Variants in ME1 observed in about 807,000 individuals in gnomAD.
ME1 encodes NADP-dependent malic enzyme.
A neutral mutation model predicts 66.4 loss-of-function variants in ME1; 74 were observed. That is an observed-to-expected ratio of 1.11 (90% CI 0.92 to 1.35). The LOEUF is 1.35. Among genes scored for constraint, ME1 ranks in the 40% most tolerant of loss-of-function variants. ME1 has a pLI of 0.00. For synonymous variants in ME1, 251 were observed against 235.6 expected (o/e 1.07, Z -0.60); for missense variants, 750 against 694.1 (o/e 1.08, Z -0.90).
At chr6:83,236,337 G>A (rs1196075303) in intron 9 of ME1, among the ~76,000 whole-genome samples, 2 of 152,026 alleles carry the variant, frequency 1.3e-5, no homozygotes, top group African/African-American at 4.8e-5. Context: ...TTCTTTGAAT[G>A]GAAACTAGTG....
At chr6:83,384,814 A>C (rs186419223) in intron 3 of ME1, among the ~76,000 whole-genome samples, 6 of 151,966 alleles carry the variant, frequency 3.9e-5, no homozygotes, top group Non-Finnish European at 5.9e-5. Context: ...TTGTGAAAGG[A>C]AGGGATTCTG....
At chr6:83,358,064 T>A (rs1768933436) in intron 3 of ME1, among the ~76,000 whole-genome samples, 1 of 149,578 alleles carries the variant, frequency 6.7e-6, no homozygotes, top group Non-Finnish European at 1.5e-5. Flanking sequence ...GATTTTGGTA[T>A]AAGGAGTGGT....
chr6:83,227,532 A>ATTGATT lies in ME1; in HGVS notation c.1133-56_1133-55insAATCAA. 7.1e-6 allele frequency: 10 copies of ATTGATT among 1,414,596 alleles called. No homozygotes were observed. The East Asian group carries it at 2.2e-4, about 30-fold the overall frequency. 87.6% of individuals were successfully genotyped at this position (1,414,596 alleles called of 1,614,324 possible). A position where few individuals can be genotyped will look rare whatever the true frequency, so the allele number is the denominator to read the frequency against. On this transcript the variant is annotated intron_variant, in intron 10 of 13. Coordinates refer to ENST00000369705, the MANE Select transcript of ME1 (RefSeq NM_002395.6). The stretch of plus-strand genomic sequence containing the variant: ...ACACTATCATTGGTTAATTCACACA[A>ATTGATT]GAAGACCATGCCTCAAATCAATGAT...
At chr6:83,380,127 G>GT (rs1769368226) in intron 3 of ME1, among the ~76,000 whole-genome samples, 1 of 152,052 alleles carries the variant, frequency 6.6e-6, no homozygotes. Context: ...AAGATACAGA[G>GT]TTGCTACCCT....
At chr6:83,373,099 T>C (rs921229114) in intron 3 of ME1, among the ~76,000 whole-genome samples, 1 of 152,264 alleles carries the variant, frequency 6.6e-6, no homozygotes, top group Admixed American at 6.5e-5. Context: ...TAGATAACAC[T>C]TTATTAAATT....
At chr6:83,253,600 T>A (rs747450798) in intron 7 of ME1, 29 bp downstream of exon 7, 1 of 1,049,882 alleles carries the variant, frequency 9.5e-7, no homozygotes, top group Non-Finnish European at 1.5e-6. Context: ...GACATGTTAT[T>A]GATCCATATG....
intron 1 of ME1, among the ~76,000 whole-genome samples, chr6:83,410,269 A>T (rs1215312023): frequency 6.6e-6 from 1 of 152,172 alleles, no homozygotes; most frequent in Non-Finnish European, 1.5e-5. Context: ...ATTATGAGAA[A>T]ATTTAGAATT....
At chr6:83,321,867 C>T (rs1288844255) in intron 5 of ME1, among the ~76,000 whole-genome samples, 4 of 152,212 alleles carry the variant, frequency 2.6e-5, no homozygotes, top group East Asian at 1.9e-4. Flanking sequence ...GAGACACCTC[C>T]CAGCAAGGGT....
At chr6:83,404,701 G>T (rs1177855277) in intron 2 of ME1, among the ~76,000 whole-genome samples, 1 of 152,136 alleles carries the variant, frequency 6.6e-6, no homozygotes, top group Non-Finnish European at 1.5e-5. Context: ...TAAGGAAGGG[G>T]TCCAGTTTCA....
chr6:83,325,068 A>G (rs1262037137), intron 5 of ME1, among the ~76,000 whole-genome samples: 1 of 152,230 alleles, frequency 6.6e-6, no homozygotes, highest in Non-Finnish European at 1.5e-5. Context: ...ACATATGCGA[A>G]TCAATAAATG....
intron 3 of ME1, among the ~76,000 whole-genome samples, chr6:83,395,122 C>G (rs1304629409): frequency 6.6e-6 from 1 of 151,546 alleles, no homozygotes; most frequent in Non-Finnish European, 1.5e-5. Flanking sequence ...TGGAGTCTCA[C>G]TCTGTCACCC....
At chr6:83,333,146 T>C (rs1391087094) in intron 5 of ME1, among the ~76,000 whole-genome samples, 1 of 152,164 alleles carries the variant, frequency 6.6e-6, no homozygotes, top group Admixed American at 6.5e-5. Context: ...ACATTTATAA[T>C]TTGTATTTAA....
At chr6:83,253,513 T>C (rs1790757363) in intron 7 of ME1, 116 bp downstream of exon 7, 5 of 530,980 alleles carry the variant, frequency 9.4e-6, no homozygotes, top group Non-Finnish European at 1.7e-5. Flanking sequence ...TCAGCAAGCA[T>C]AATTCCTGGA....
chr6:83,392,456 T>C (rs1288005862), intron 3 of ME1: 27 of 506,442 alleles, frequency 5.3e-5, no homozygotes, highest in Non-Finnish European at 8.9e-5. Flanking sequence ...TTTGGTTGTA[T>C]TGGCTGCCTG....
At chr6:83,328,649 A>G (rs1455679870) in intron 5 of ME1, among the ~76,000 whole-genome samples, 1 of 152,224 alleles carries the variant, frequency 6.6e-6, no homozygotes, top group Non-Finnish European at 1.5e-5. Context: ...TTCCACAGAC[A>G]AAGTAGACTG....
rs1057247424 is a variant in ME1 at position 83,315,229 on chromosome 6, T to C, written c.704+81A>G. On this transcript the variant is annotated intron_variant, in intron 6 of 13. Transcript: ENST00000369705. ...CAAATTACTTCTAATTATTAAACCATATTGCATAAATCTTGGATTTTTTAA... is the reference window on the plus strand; with the variant it reads ...CAAATTACTTCTAATTATTAAACCACATTGCATAAATCTTGGATTTTTTAA... The C allele has an allele frequency of 5.0e-6, 4 of 793,108 alleles. No individual in the cohort carries two copies. The African/African-American group carries it at 5.2e-5, about 10-fold the overall frequency. 49.1% of individuals were successfully genotyped at this position (793,108 alleles called of 1,614,324 possible). A position where few individuals can be genotyped will look rare whatever the true frequency, so the allele number is the denominator to read the frequency against.
At chr6:83,363,000 T>C (rs528539060) in intron 3 of ME1, among the ~76,000 whole-genome samples, 1 of 152,186 alleles carries the variant, frequency 6.6e-6, no homozygotes, top group East Asian at 1.9e-4. Flanking sequence ...GCCAACTAGG[T>C]GACAATACTT....
intron 13 of ME1, 59 bp from the exon 14 acceptor site, chr6:83,212,153 G>T (rs1789902873): frequency 1.6e-6 from 2 of 1,224,712 alleles, no homozygotes; most frequent in African/African-American, 1.5e-5. Flanking sequence ...ATGAGCCCAT[G>T]TGAGTGGAAG....
chr6:83,263,411 C>T (rs1447254364), intron 6 of ME1, among the ~76,000 whole-genome samples: 2 of 152,116 alleles, frequency 1.3e-5, no homozygotes, highest in Non-Finnish European at 2.9e-5. Context: ...AAAGCTGAGA[C>T]AGGACAAAAG....
Sources: gnomAD v4.1 joint callset for allele counts (sites outside exome capture counted in the v4.1 genomes callset) on GRCh38, gnomAD v4.1.1 for gene constraint, MANE v1.5 for transcripts, NCBI Gene and HGNC (gene_info 2026-07-23, HGNC 2026-07-21) for gene names.